PACSIN2: variants seen among roughly 807,000 people sequenced by gnomAD.
PACSIN2 encodes the protein protein kinase C and casein kinase substrate in neurons 2.
A neutral mutation model predicts 63.8 loss-of-function variants in PACSIN2; 25 were observed. That is an observed-to-expected ratio of 0.39 (90% confidence interval 0.29 to 0.55). The LOEUF (loss-of-function observed/expected upper bound fraction) is 0.55, where lower values mean the gene tolerates loss of function less well. Ranked by LOEUF, PACSIN2 falls within the 20% of genes least tolerant of loss-of-function variation. The pLI, the probability that PACSIN2 is intolerant of heterozygous loss-of-function variation, is 0.62. For missense variants in PACSIN2, 518 were observed against 646.9 expected (o/e 0.80, Z 2.16); for synonymous variants, 255 against 256.2 (o/e 1.00, Z 0.05).
intron 10 of PACSIN2, among the ~76,000 whole-genome samples, chr22:42,874,937 G>A (rs1928486439): frequency 1.3e-5 from 2 of 148,710 alleles, no homozygotes. Flanking sequence ...TGCAAGCTCC[G>A]CCTCCCGGGT....
intron 1 of PACSIN2, among the ~76,000 whole-genome samples, chr22:42,917,133 T>G (rs2146734562): frequency 6.6e-6 from 1 of 152,106 alleles, no homozygotes; most frequent in South Asian, 2.1e-4. Context: ...CTCTATGGGG[T>G]AGCGGTTTCG....
intron 1 of PACSIN2, among the ~76,000 whole-genome samples, chr22:42,935,264 T>C (rs1370757734): frequency 6.6e-6 from 1 of 152,108 alleles, no homozygotes; most frequent in African/African-American, 2.4e-5. Context: ...AGTCCAGCAG[T>C]GTCTGCGCCA....
At chr22:42,949,556 A>G (rs925686247) in intron 1 of PACSIN2, among the ~76,000 whole-genome samples, 2 of 152,190 alleles carry the variant, frequency 1.3e-5, no homozygotes, top group African/African-American at 4.8e-5. Context: ...GACAATTCTT[A>G]TTTATGATAA....
At position 42,870,974 on chromosome 22, in the gene PACSIN2, G is replaced by T; in HGVS notation, c.*383C>A. 1 of 220,404 alleles carries T rather than the reference G, an allele frequency of 4.5e-6. No homozygotes were observed. Among genetic ancestry groups the T allele is most frequent in the Non-Finnish European group, 9.2e-6 (1 of 108,784 alleles). The allele number at this position is 220,404 out of a possible 1,614,324, so 13.7% of individuals were successfully genotyped here. ...AATCTTCACTCAAAATGGGATGTAAGCTTGTTCATTTAAGTTGCAGGTGAT... is the reference window on the plus strand; with the variant it reads ...AATCTTCACTCAAAATGGGATGTAATCTTGTTCATTTAAGTTGCAGGTGAT... On this transcript the variant is annotated 3_prime_UTR_variant, in exon 11 of 11. Coordinates refer to ENST00000263246, the MANE Select transcript of PACSIN2 (RefSeq NM_001184970.3).
chr22:43,007,494 G>C (rs1247018310), intron 1 of PACSIN2, among the ~76,000 whole-genome samples: 1 of 152,076 alleles, frequency 6.6e-6, no homozygotes, highest in Non-Finnish European at 1.5e-5. Flanking sequence ...GGGATTACAG[G>C]CGTGACCCCT....
chr22:42,982,970 C>T (rs1293751476), intron 1 of PACSIN2, among the ~76,000 whole-genome samples: 1 of 150,582 alleles, frequency 6.6e-6, no homozygotes, highest in Non-Finnish European at 1.5e-5. Context: ...CACTTGAGGT[C>T]ACGAGTTCAA....
intron 1 of PACSIN2, among the ~76,000 whole-genome samples, chr22:42,979,465 A>C (rs1424589858): frequency 6.9e-6 from 1 of 145,094 alleles, no homozygotes; most frequent in Non-Finnish European, 1.5e-5. Flanking sequence ...TGGAGGTTGC[A>C]GTGAGCCGAG....
chr22:42,937,049 C>T lies in PACSIN2; in HGVS notation c.-77-24892G>A, dbSNP rs1333231285. 4.6e-5 allele frequency among the ~76,000 whole-genome samples: 7 copies of T among 152,248 alleles called. 1 individual carries two copies. The East Asian group carries it at 1.2e-3, about 25-fold the overall frequency. ...CCTGTATATTGGGTGCCTGTGCAGC[C>T]ACACGGTGTTCTGAATGCTGGGAAT... On this transcript the variant is annotated intron_variant, in intron 1 of 10. Transcript: ENST00000263246.
intron 1 of PACSIN2, among the ~76,000 whole-genome samples, chr22:43,000,168 G>C (rs1368323638): frequency 6.6e-6 from 1 of 152,224 alleles, no homozygotes; most frequent in African/African-American, 2.4e-5. Flanking sequence ...AAACATGCCA[G>C]AGGCTTCTCC....
In PACSIN2 at chr22:42,919,163, C is replaced by T. The variant is rs143346816; in HGVS notation, c.-77-7006G>A. 5.1e-4 allele frequency among the ~76,000 whole-genome samples: 77 copies of T among 152,280 alleles called. 1 individual carries two copies. The highest frequency in any genetic ancestry group is 1.8e-3 in the African/African-American group (74 of 41,548). ...TAATAATTAATTGGGGGCTTCTCAT[C>T]TGGAAGGTAAAGTTCCTGGGAAGAG... On this transcript the variant is annotated intron_variant, in intron 1 of 10. Coordinates refer to ENST00000263246, the MANE Select transcript of PACSIN2 (RefSeq NM_001184970.3).
chr22:42,921,445 G>A (rs1932190910), intron 1 of PACSIN2, among the ~76,000 whole-genome samples: 1 of 151,932 alleles, frequency 6.6e-6, no homozygotes, highest in African/African-American at 2.4e-5. Context: ...CCCACCTGGG[G>A]CATTGCCCAG....
chr22:42,991,406 C>G lies in PACSIN2; in HGVS notation c.-78+23615G>C, dbSNP rs533893226. Among the ~76,000 whole-genome samples, 4 of 152,274 alleles carry G rather than the reference C, an allele frequency of 2.6e-5. No individual in the cohort carries two copies. The South Asian group carries it at 8.3e-4, about 32-fold the overall frequency. ...CCACCTTTCTCAGCCTGAGCCCCAC[C>G]CCACCCATCCAGGCACAGAAGGCTT... On this transcript the variant is annotated intron_variant, in intron 1 of 10. Coordinates refer to ENST00000263246, the MANE Select transcript of PACSIN2 (RefSeq NM_001184970.3).
rs1160565529 is a variant in PACSIN2 at position 42,987,530 on chromosome 22, C to CTTTTTTTTTTTTTTT, written c.-78+27476_-78+27490dup. On this transcript the variant is annotated intron_variant, in intron 1 of 10. Coordinates refer to ENST00000263246, the MANE Select transcript of PACSIN2 (RefSeq NM_001184970.3). ...TGTTCAGAAGACGGGCACATTCATT[C>CTTTTTTTTTTTTTTT]TTTTTTTTTTTTTTTTTTGAGACAG... Among the ~76,000 whole-genome samples, 6 of 52,028 alleles carry CTTTTTTTTTTTTTTT rather than the reference C, an allele frequency of 1.2e-4. 2 individuals carry two copies. The highest frequency in any genetic ancestry group is 6.8e-4 in the Admixed American group (2 of 2,930). The allele number at this position is 52,028 out of a possible 152,430, so 34.1% of individuals were successfully genotyped here.
chr22:42,875,024 G>A (rs1467327166), intron 10 of PACSIN2, among the ~76,000 whole-genome samples: 1 of 151,530 alleles, frequency 6.6e-6, no homozygotes, highest in South Asian at 2.1e-4. Flanking sequence ...CTAATTTTTT[G>A]TATTTTTAGT....
chr22:42,924,922 A>C (rs996570320), intron 1 of PACSIN2, among the ~76,000 whole-genome samples: 2 of 151,734 alleles, frequency 1.3e-5, no homozygotes, highest in African/African-American at 4.8e-5. Context: ...ACGCCCAGCT[A>C]ATTTTTTATA....
chr22:42,919,329 G>A (rs569985649), intron 1 of PACSIN2, among the ~76,000 whole-genome samples: 1 of 152,240 alleles, frequency 6.6e-6, no homozygotes, highest in African/African-American at 2.4e-5. Context: ...GAGGCTCGGG[G>A]CGACAGCTGT....
At chr22:42,980,079 A>G (rs1282474001) in intron 1 of PACSIN2, among the ~76,000 whole-genome samples, 2 of 152,232 alleles carry the variant, frequency 1.3e-5, no homozygotes, top group East Asian at 1.9e-4. Context: ...AATTAAAAAA[A>G]AAAGAAAGAA....
At chr22:42,975,025 G>C (rs1921594891) in intron 1 of PACSIN2, among the ~76,000 whole-genome samples, 1 of 152,152 alleles carries the variant, frequency 6.6e-6, no homozygotes, top group Non-Finnish European at 1.5e-5. Context: ...GAGTCAGCAA[G>C]CCCACCTGCC....
At chr22:42,891,560 C>G (rs1233062121) in intron 3 of PACSIN2, among the ~76,000 whole-genome samples, 3 of 152,178 alleles carry the variant, frequency 2.0e-5, no homozygotes, top group Admixed American at 6.5e-5. Flanking sequence ...GCCACCACGC[C>G]TGGCTAAATT....
Sources: allele counts gnomAD v4.1 joint callset (sites outside exome capture counted in the v4.1 genomes callset), GRCh38; gene constraint gnomAD v4.1.1; transcripts MANE v1.5; gene names NCBI Gene and HGNC (gene_info 2026-07-23, HGNC 2026-07-21).